TBCD: variants seen among roughly 807,000 people sequenced by gnomAD.
The protein encoded by TBCD is tubulin-specific chaperone D.
Under a neutral mutation model 169.3 loss-of-function variants are expected in TBCD, and 105 were observed. The observed-to-expected ratio is 0.62, with a 90% CI of 0.53 to 0.73. The LOEUF (loss-of-function observed/expected upper bound fraction) is 0.73. Among genes scored for constraint, TBCD ranks in the 30% least tolerant of loss-of-function variants. The pLI is 0.00. For synonymous variants in TBCD, 700 were observed against 643.9 expected (o/e 1.09, Z -1.32); for missense variants, 1,444 against 1,600.1 (o/e 0.90, Z 1.66).
At chr17:82,837,469 A>G (rs1429454809) in intron 13 of TBCD, among the ~76,000 whole-genome samples, 1 of 152,226 alleles carries the variant, frequency 6.6e-6, no homozygotes, top group African/African-American at 2.4e-5. Flanking sequence ...TAGAGGGGAT[A>G]AAGAAGTGCG....
chr17:82,845,419 T>A (rs1324574763), intron 13 of TBCD, among the ~76,000 whole-genome samples: 1 of 149,710 alleles, frequency 6.7e-6, no homozygotes, highest in Non-Finnish European at 1.5e-5. Flanking sequence ...CCCCTTCCTC[T>A]CCATCTTGTC....
At chr17:82,892,140 CCT>C (rs896583028) in intron 16 of TBCD, among the ~76,000 whole-genome samples, 9 of 152,058 alleles carry the variant, frequency 5.9e-5, no homozygotes, top group African/African-American at 1.7e-4. Flanking sequence ...AGCCTTGGCC[CCT>C]GTGTTGGTCT....
chr17:82,841,459 A>AG (rs2054519306), intron 13 of TBCD, among the ~76,000 whole-genome samples: 1 of 152,100 alleles, frequency 6.6e-6, no homozygotes, highest in Admixed American at 6.5e-5. Context: ...CTGGGACTAC[A>AG]GGCACGGTCA....
chr17:82,916,064 G>A (rs1448839977), intron 23 of TBCD, among the ~76,000 whole-genome samples: 1 of 152,154 alleles, frequency 6.6e-6, no homozygotes, highest in African/African-American at 2.4e-5. Context: ...CTTGTTCCGT[G>A]GGAATTCACT....
At chr17:82,852,344 C>T (rs1289092711) in intron 13 of TBCD, among the ~76,000 whole-genome samples, 1 of 152,158 alleles carries the variant, frequency 6.6e-6, no homozygotes, top group Admixed American at 6.5e-5. Flanking sequence ...AAGCCTGTTC[C>T]ATCGTGTGGC....
chr17:82,803,544 C>G (rs1375178823), intron 9 of TBCD, among the ~76,000 whole-genome samples: 1 of 152,206 alleles, frequency 6.6e-6, no homozygotes, highest in Non-Finnish European at 1.5e-5. Context: ...ACATATGAGC[C>G]CTCCACTCAT....
At chr17:82,904,974 CA>C (rs1568003731) in intron 19 of TBCD, among the ~76,000 whole-genome samples, 2 of 152,232 alleles carry the variant, frequency 1.3e-5, no homozygotes, top group African/African-American at 4.8e-5. Context: ...CCCCAGCCGC[CA>C]CATCTTAGCC....
chr17:82,800,755 T>C, intron 8 of TBCD, 109 bp from the exon 9 acceptor site: 2 of 1,370,082 alleles, frequency 1.5e-6, no homozygotes, highest in Non-Finnish European at 2.0e-6. Flanking sequence ...TGGTGATGTC[T>C]CCTGCCTCAA....
chr17:82,768,784 A>C (rs146357023), intron 5 of TBCD, among the ~76,000 whole-genome samples: 1 of 152,314 alleles, frequency 6.6e-6, no homozygotes, highest in Non-Finnish European at 1.5e-5. Context: ...AGATGATGCA[A>C]ATACTCTGTT....
At chr17:82,843,067 AC>A (rs1449882899) in intron 13 of TBCD, among the ~76,000 whole-genome samples, 3 of 152,128 alleles carry the variant, frequency 2.0e-5, no homozygotes, top group Admixed American at 1.3e-4. Flanking sequence ...GGTGTGAGCC[AC>A]CACACCCGGC....
At chr17:82,897,450 G>A (rs1467793241) in intron 17 of TBCD, among the ~76,000 whole-genome samples, 1 of 151,130 alleles carries the variant, frequency 6.6e-6, no homozygotes, top group Non-Finnish European at 1.5e-5. Flanking sequence ...CCCGGGAGGC[G>A]GAGGTTACAG....
chr17:82,758,400 A>AAAAAAAAAAAAAAAAAAAAAAAAAAAAT (rs1035939621), intron 2 of TBCD, among the ~76,000 whole-genome samples: 6 of 100,024 alleles, frequency 6.0e-5, no homozygotes, highest in Admixed American at 1.4e-4. Context: ...AAAAAAAAAA[A>AAAAAAAAAAAAAAAAAAAAAAAAAAAAT]AAATAAATAA....
intron 6 of TBCD, among the ~76,000 whole-genome samples, chr17:82,779,621 G>A (rs1003659019): frequency 2.6e-5 from 4 of 152,220 alleles, no homozygotes; most frequent in Admixed American, 1.3e-4. Context: ...TGGCACGTGC[G>A]TGGCTGTCTC....
At chr17:82,822,351 C>T (rs2052483274) in intron 13 of TBCD, among the ~76,000 whole-genome samples, 1 of 152,224 alleles carries the variant, frequency 6.6e-6, no homozygotes, top group Non-Finnish European at 1.5e-5. Context: ...GTGAGATCCT[C>T]AGTGATGGGG....
intron 15 of TBCD, among the ~76,000 whole-genome samples, chr17:82,888,277 G>C (rs1354569453): frequency 4.6e-5 from 7 of 152,240 alleles, no homozygotes; most frequent in Non-Finnish European, 1.0e-4. Flanking sequence ...CTGCGATGCT[G>C]CTGTGCATAG....
In TBCD at chr17:82,889,838, A is replaced by G; in HGVS notation, c.1563+141A>G. 2 of 933,410 alleles carry G rather than the reference A, an allele frequency of 2.1e-6. No individual in the cohort carries two copies. The allele number at this position is 933,410 out of a possible 1,614,324, so 57.8% of individuals were successfully genotyped here. ...TCAATGCCAGGGTCATGAGTTCACTATAGGACGCACATGTTAAACAGCGAG... is the reference window on the plus strand; with the variant it reads ...TCAATGCCAGGGTCATGAGTTCACTGTAGGACGCACATGTTAAACAGCGAG... On this transcript the variant is annotated intron_variant, in intron 16 of 38. Transcript: ENST00000355528. This position sits in a 1 kb window ranked among gnomAD's most constrained non-coding sequence, Gnocchi z 5.3.
chr17:82,907,911 G>A, intron 21 of TBCD, 90 bp downstream of exon 21: 1 of 1,410,326 alleles, frequency 7.1e-7, no homozygotes, highest in Non-Finnish European at 9.7e-7. Context: ...AGGGTCTGCA[G>A]TCCTGGTGGC....
intron 13 of TBCD, among the ~76,000 whole-genome samples, chr17:82,815,465 G>A (rs531333173): frequency 2.3e-3 from 350 of 152,388 alleles, no homozygotes; most frequent in Non-Finnish European, 3.2e-3. Flanking sequence ...GGTGGGAACT[G>A]GGGTGGAGGG....
At chr17:82,905,056 C>G (rs1188766313) in intron 19 of TBCD, among the ~76,000 whole-genome samples, 1 of 152,214 alleles carries the variant, frequency 6.6e-6, no homozygotes. Flanking sequence ...CTTGGTTTCC[C>G]CACGCAGGTG....
Sources: allele counts gnomAD v4.1 joint callset (sites outside exome capture counted in the v4.1 genomes callset), GRCh38; gene constraint gnomAD v4.1.1; non-coding constraint Gnocchi (gnomAD v3.1); transcripts MANE v1.5; gene names NCBI Gene and HGNC (gene_info 2026-07-23, HGNC 2026-07-21).